Variants in RYR3 observed in about 807,000 individuals in gnomAD.
The protein encoded by RYR3 is ryanodine receptor 3.
Under a neutral mutation model 584.3 loss-of-function variants are expected in RYR3, and 207 were observed. That is an observed-to-expected ratio of 0.35 (90% CI 0.32 to 0.40). The LOEUF is 0.40. Among genes scored for constraint, RYR3 ranks in the 10% least tolerant of loss-of-function variants. The probability of loss-of-function intolerance (pLI) is 1.00; values close to 1 mark genes in which losing one functional copy is unlikely to be tolerated. For synonymous variants in RYR3, 2,416 were observed against 2,248.5 expected (o/e 1.07, Z -2.11); for missense variants, 5,616 against 6,089.2 (o/e 0.92, Z 2.59).
At chr15:33,409,007 G>GA (rs988671032) in intron 1 of RYR3, among the ~76,000 whole-genome samples, 1 of 152,050 alleles carries the variant, frequency 6.6e-6, no homozygotes, top group Admixed American at 6.5e-5. Flanking sequence ...TTCAGATGAG[G>GA]AAAAAAACCC....
At position 33,738,374 on chromosome 15, in the gene RYR3, C is replaced by T; in HGVS notation, c.7516-76C>T. On this transcript the variant is annotated intron_variant, in intron 49 of 103. Transcript: ENST00000634891. ...CATGGTCTCTGCTTACTACTTGATT[C>T]TCTCCTGCATGTTTTTGATGCCTGT... 4 of 1,430,720 alleles carry T rather than the reference C, an allele frequency of 2.8e-6. No individual in the cohort carries two copies. The South Asian group carries it at 3.9e-5, about 14-fold the overall frequency. 88.6% of individuals were successfully genotyped at this position (1,430,720 alleles called of 1,614,324 possible).
intron 20 of RYR3, among the ~76,000 whole-genome samples, chr15:33,625,332 C>G (rs28489223): frequency 0.048 from 7,358 of 152,212 alleles, 596 homozygotes; most frequent in African/African-American, 0.16. Flanking sequence ...TGGGTGGGGA[C>G]ACAGAGCCAA....
At chr15:33,672,355 C>A (rs1033624247) in intron 38 of RYR3, among the ~76,000 whole-genome samples, 1 of 152,214 alleles carries the variant, frequency 6.6e-6, no homozygotes, top group African/African-American at 2.4e-5. Flanking sequence ...GCAAAACACG[C>A]ACACCCGAGA....
At chr15:33,761,117 T>G (rs2072391583) in intron 60 of RYR3, among the ~76,000 whole-genome samples, 2 of 152,266 alleles carry the variant, frequency 1.3e-5, no homozygotes, top group South Asian at 2.1e-4. Context: ...AGAGGGAAAT[T>G]TATAATACCA....
intron 1 of RYR3, among the ~76,000 whole-genome samples, chr15:33,397,887 C>G (rs2042393364): frequency 6.6e-6 from 1 of 152,052 alleles, no homozygotes; most frequent in Non-Finnish European, 1.5e-5. Context: ...TGTAATGAGG[C>G]CTATTTGATC....
intron 1 of RYR3, among the ~76,000 whole-genome samples, chr15:33,365,465 C>G (rs1975362010): frequency 6.6e-6 from 1 of 152,040 alleles, no homozygotes; most frequent in Non-Finnish European, 1.5e-5. Context: ...GGTAAAGACT[C>G]CAGGGTAGTG....
intron 80 of RYR3, among the ~76,000 whole-genome samples, chr15:33,822,396 T>C (rs1429896287): frequency 6.6e-6 from 1 of 152,220 alleles, no homozygotes; most frequent in Non-Finnish European, 1.5e-5. Context: ...TTACTGCATA[T>C]AGCTTTTCCC....
chr15:33,375,604 T>A (rs936475403), intron 1 of RYR3, among the ~76,000 whole-genome samples: 2 of 152,146 alleles, frequency 1.3e-5, no homozygotes, highest in African/African-American at 4.8e-5. Flanking sequence ...GTGATAGAGA[T>A]CTCTATCCAC....
intron 74 of RYR3, among the ~76,000 whole-genome samples, chr15:33,816,503 A>G (rs2076819111): frequency 6.6e-6 from 1 of 152,218 alleles, no homozygotes; most frequent in Non-Finnish European, 1.5e-5. Context: ...GCCTAAAGGA[A>G]TACCTAAATT....
intron 3 of RYR3, among the ~76,000 whole-genome samples, chr15:33,511,910 C>A: frequency 6.6e-6 from 1 of 152,042 alleles, no homozygotes; most frequent in Admixed American, 6.5e-5. Context: ...TCCCGAGTAG[C>A]TGGGACTACA....
intron 1 of RYR3, among the ~76,000 whole-genome samples, chr15:33,428,690 A>G (rs1189541287): frequency 6.6e-6 from 1 of 151,732 alleles, no homozygotes; most frequent in Non-Finnish European, 1.5e-5. Flanking sequence ...CTTATTTTCT[A>G]GCATTCACAT....
In RYR3 at chr15:33,613,299, C is replaced by T; in HGVS notation, c.2281C>T (p.Pro761Ser). Residue 761 changes from proline (P) to serine (S), a missense_variant, in exon 19 of 104, where the codon CCC becomes TCC. By Grantham distance (74) the Pro-to-Ser change is moderately conservative. Transcript: ENST00000634891. ...PSISFRINGQ[P>S]VQGMFENFNT... ...CATCTCATTCCGCATCAATGGGCAG[C>T]CCGTGCAGGGGATGTTTGAGAACTT... The T allele has an allele frequency of 6.2e-7, 1 of 1,613,944 alleles. No homozygotes were observed. Among genetic ancestry groups the T allele is most frequent in the South Asian group, 1.1e-5 (1 of 91,068 alleles).
intron 5 of RYR3, among the ~76,000 whole-genome samples, chr15:33,534,396 C>A (rs968875130): frequency 6.6e-6 from 1 of 152,134 alleles, no homozygotes; most frequent in East Asian, 1.9e-4. Flanking sequence ...AGCGAGACTT[C>A]GTCTCGAAAG....
At chr15:33,751,047 C>T (rs1424847017) in intron 57 of RYR3, among the ~76,000 whole-genome samples, 1 of 152,186 alleles carries the variant, frequency 6.6e-6, no homozygotes, top group Non-Finnish European at 1.5e-5. Context: ...ATCTATGTCC[C>T]TGCAAAGGAC....
intron 1 of RYR3, among the ~76,000 whole-genome samples, chr15:33,387,714 C>G (rs111732993): frequency 6.7e-6 from 1 of 150,208 alleles, no homozygotes; most frequent in Non-Finnish European, 1.5e-5. Flanking sequence ...TTATGATTCT[C>G]AGAAAAATGT....
intron 1 of RYR3, among the ~76,000 whole-genome samples, chr15:33,319,165 T>A (rs1300421503): frequency 6.6e-5 from 10 of 152,116 alleles, no homozygotes; most frequent in Admixed American, 5.9e-4. Context: ...CAGGAAGGAA[T>A]GGAAAGTTCT....
intron 64 of RYR3, among the ~76,000 whole-genome samples, chr15:33,774,476 G>A (rs979068933): frequency 2.0e-5 from 3 of 152,086 alleles, no homozygotes; most frequent in Non-Finnish European, 4.4e-5. Flanking sequence ...GTGAACCCTC[G>A]TCTCATGTCA....
At chr15:33,418,504 G>A (rs574349825) in intron 1 of RYR3, among the ~76,000 whole-genome samples, 1 of 152,102 alleles carries the variant, frequency 6.6e-6, no homozygotes, top group Non-Finnish European at 1.5e-5. Flanking sequence ...GAGCTGGACA[G>A]AGTGGGTTTC....
intron 55 of RYR3, among the ~76,000 whole-genome samples, chr15:33,749,557 G>A (rs922000042): frequency 6.6e-6 from 1 of 152,166 alleles, no homozygotes; most frequent in African/African-American, 2.4e-5. Flanking sequence ...TTTCCTTTAA[G>A]ACGTGATTAT....
Sources: gnomAD v4.1 joint callset for allele counts (sites outside exome capture counted in the v4.1 genomes callset) on GRCh38, gnomAD v4.1.1 for gene constraint, MANE v1.5 for transcripts, NCBI Gene and HGNC (gene_info 2026-07-23, HGNC 2026-07-21) for gene names.